Variants in SNAP23 observed in about 807,000 individuals in gnomAD.
SNAP23 encodes synaptosomal-associated protein 23.
A neutral mutation model predicts 29.0 loss-of-function variants in SNAP23; 11 were observed. The ratio of observed to expected loss-of-function variants is 0.38; its 90% CI spans 0.24 to 0.63. The LOEUF is 0.63. Ranked by LOEUF, SNAP23 falls within the 20% of genes least tolerant of loss-of-function variation. The probability of loss-of-function intolerance (pLI) is 0.58; values close to 1 mark genes in which losing one functional copy is unlikely to be tolerated. For missense variants in SNAP23, 220 were observed against 253.9 expected, an observed-to-expected ratio of 0.87 and a Z score of 0.91; for synonymous variants, 60 against 82.9, an observed-to-expected ratio of 0.72 and a Z score of 1.50.
upstream of SNAP23, among the ~76,000 whole-genome samples, chr15:42,494,976 C>G (rs985070870): frequency 3.3e-5 from 5 of 152,178 alleles, no homozygotes; most frequent in Admixed American, 6.5e-5. Flanking sequence ...ATTCCAAGGC[C>G]TTCCAAGATC....
At chr15:42,503,827 C>A (rs990866714) in intron 1 of SNAP23, among the ~76,000 whole-genome samples, 3 of 151,808 alleles carry the variant, frequency 2.0e-5, no homozygotes, top group African/African-American at 7.3e-5. Context: ...TTAGTAGATA[C>A]GATTCTGTGA....
intron 7 of SNAP23, 143 bp from the exon 8 acceptor site, chr15:42,531,270 C>T (rs1196722610): frequency 6.1e-6 from 3 of 492,190 alleles, no homozygotes; most frequent in Admixed American, 3.7e-5. Flanking sequence ...TATTCTGTTA[C>T]TTCTTGCCCA....
At chr15:42,506,455 G>A (rs1215880736) in intron 1 of SNAP23, among the ~76,000 whole-genome samples, 2 of 152,146 alleles carry the variant, frequency 1.3e-5, no homozygotes, top group Non-Finnish European at 2.9e-5. Context: ...TGCCTAGGCT[G>A]GTCTCAAACT....
chr15:42,515,135 T>A, intron 4 of SNAP23, 102 bp from the exon 5 acceptor site: 1 of 687,892 alleles, frequency 1.5e-6, no homozygotes. Flanking sequence ...TGGGGAGTTA[T>A]TGGTAGATTC....
intron 4 of SNAP23, 52 bp from the exon 5 acceptor site, chr15:42,515,184 TG>T: frequency 9.2e-7 from 1 of 1,085,530 alleles, no homozygotes; most frequent in Non-Finnish European, 1.4e-6. Context: ...TAGCATTTTC[TG>T]GTTGACACTG....
intron 5 of SNAP23, chr15:42,528,018 G>T (rs1440420802): frequency 2.5e-6 from 1 of 405,612 alleles, no homozygotes; most frequent in Non-Finnish European, 4.5e-6. Flanking sequence ...ACAGCCTAGT[G>T]AAGATTTGGT....
At chr15:42,520,614 C>T (rs1005494953) in intron 5 of SNAP23, among the ~76,000 whole-genome samples, 2 of 152,236 alleles carry the variant, frequency 1.3e-5, no homozygotes, top group Non-Finnish European at 2.9e-5. Flanking sequence ...CCTGCCTCAG[C>T]CTCTCGGGTA....
At position 42,515,291 on chromosome 15, in the gene SNAP23, A is replaced by C. The variant is rs1464132527; in HGVS notation, c.203A>C (p.Glu68Ala). 6.2e-7 allele frequency: 1 copy of C among 1,612,850 alleles called. No homozygotes were observed. The highest frequency in any genetic ancestry group is 1.7e-5 in the Admixed American group (1 of 59,806). ...GLDQINKDMR[E>A]TEKTLTELNK... The stretch of plus-strand genomic sequence containing the variant: ...GACCAAATAAATAAGGACATGAGAG[A>C]GACAGAGAAGACTTTAACAGAACTC... Residue 68 changes from glutamate to alanine, a missense_variant, in exon 5 of 8, where the codon GAG becomes GCG. Physicochemically the swap from Glu to Ala is moderately radical, Grantham distance 107 (BLOSUM62 -1). Coordinates refer to ENST00000249647, the MANE Select transcript of SNAP23 (RefSeq NM_003825.4).
In SNAP23 at chr15:42,532,877, C is replaced by T. The variant is rs1270018547; in HGVS notation, c.*1399C>T. The T allele has an allele frequency of 6.6e-6, 1 of 152,638 alleles. No homozygotes were observed. Among genetic ancestry groups the T allele is most frequent in the African/African-American group, 2.4e-5 (1 of 41,452 alleles). 9.5% of individuals were successfully genotyped at this position (152,638 alleles called of 1,614,324 possible). ...GTGATTACACACTCTTTCTCTTACCCTTGTGTATTGAACTATGTCCATAAT... is the reference window on the plus strand; with the variant it reads ...GTGATTACACACTCTTTCTCTTACCTTTGTGTATTGAACTATGTCCATAAT... On this transcript the variant is annotated 3_prime_UTR_variant, in exon 8 of 8. Coordinates refer to ENST00000249647, the MANE Select transcript of SNAP23 (RefSeq NM_003825.4).
intron 5 of SNAP23, among the ~76,000 whole-genome samples, chr15:42,517,815 A>T (rs754513804): frequency 1.3e-5 from 2 of 152,130 alleles, no homozygotes; most frequent in African/African-American, 2.4e-5. Context: ...GGCTCAAGCA[A>T]TCCACCCACA....
At chr15:42,514,460 T>C (rs987941282) in intron 4 of SNAP23, among the ~76,000 whole-genome samples, 2 of 152,170 alleles carry the variant, frequency 1.3e-5, no homozygotes, top group Admixed American at 6.5e-5. Context: ...GACATTGTGA[T>C]ATTCTTACAT....
In SNAP23 at chr15:42,531,399, T is replaced by C; in HGVS notation, c.571-14T>C. 6.5e-7 allele frequency: 1 copy of C among 1,529,938 alleles called. No homozygotes were observed. The highest frequency in any genetic ancestry group is 1.3e-5 in the South Asian group (1 of 75,226). The allele number at this position is 1,529,938 out of a possible 1,614,324, so 94.8% of individuals were successfully genotyped here. ...TACTTACCTTGTAAAGCTGATATCT[T>C]TCTTGTTTTTCAGGCTGACACCAAC... On this transcript the variant is annotated splice_polypyrimidine_tract_variant and intron_variant, in intron 7 of 7. Coordinates refer to ENST00000249647, the MANE Select transcript of SNAP23 (RefSeq NM_003825.4).
At chr15:42,519,541 T>G (rs2057426132) in intron 5 of SNAP23, among the ~76,000 whole-genome samples, 3 of 151,658 alleles carry the variant, frequency 2.0e-5, no homozygotes, top group Admixed American at 2.0e-4. Context: ...TGCTAACTAA[T>G]GTATTTTTAG....
chr15:42,496,499 A>C (rs2057220905), intron 1 of SNAP23, among the ~76,000 whole-genome samples: 1 of 152,092 alleles, frequency 6.6e-6, no homozygotes, highest in African/African-American at 2.4e-5. Flanking sequence ...AGAGGATCAT[A>C]TGAGATCAGG....
chr15:42,495,999 G>A (rs1050568241), intron 1 of SNAP23: 2 of 152,218 alleles, frequency 1.3e-5, no homozygotes, highest in Admixed American at 1.3e-4. Flanking sequence ...TTACTGTGTT[G>A]CTGTAGTTGA....
intron 4 of SNAP23, among the ~76,000 whole-genome samples, chr15:42,514,014 C>G (rs1369365697): frequency 6.6e-6 from 1 of 151,582 alleles, no homozygotes; most frequent in East Asian, 1.9e-4. Context: ...GGGGTTTTAC[C>G]ATGTTGGCCA....
At chr15:42,527,055 C>T (rs184087259) in intron 5 of SNAP23, among the ~76,000 whole-genome samples, 4 of 152,238 alleles carry the variant, frequency 2.6e-5, no homozygotes, top group Admixed American at 2.0e-4. Context: ...CCAGGCTGGT[C>T]TTGAACTCCT....
upstream of SNAP23, chr15:42,492,943 T>C (rs559697150): frequency 2.0e-5 from 3 of 152,346 alleles, no homozygotes; most frequent in South Asian, 6.2e-4. Context: ...CAGTCAGATA[T>C]TGGTGAGTGC....
intron 1 of SNAP23, among the ~76,000 whole-genome samples, chr15:42,503,837 A>T (rs1194316142): frequency 6.6e-6 from 1 of 152,160 alleles, no homozygotes; most frequent in East Asian, 1.9e-4. Context: ...CGATTCTGTG[A>T]TGTACTTAGT....
Sources: gnomAD v4.1 joint callset for allele counts (sites outside exome capture counted in the v4.1 genomes callset) on GRCh38, gnomAD v4.1.1 for gene constraint, MANE v1.5 for transcripts, NCBI Gene and HGNC (gene_info 2026-07-23, HGNC 2026-07-21) for gene names.